RHOU: variants seen among roughly 807,000 people sequenced by gnomAD.
The protein encoded by RHOU is ras homolog family member U, also known as rho-related GTP-binding protein RhoU.
A neutral mutation model predicts 12.6 loss-of-function variants in RHOU; 8 were observed. The observed-to-expected ratio is 0.64, with a 90% CI of 0.37 to 1.15. RHOU has a LOEUF of 1.15. Among genes scored for constraint, RHOU ranks in the 50% most tolerant of loss-of-function variants. RHOU has a pLI of 0.01. For missense variants in RHOU, 258 were observed against 347.0 expected (o/e 0.74, Z 2.04); for synonymous variants, 161 against 147.4 (o/e 1.09, Z -0.67).
At chr1:228,672,488 T>G in the RHOU span, among the ~76,000 whole-genome samples, 2 of 152,212 alleles carry the variant, frequency 1.3e-5, no homozygotes, top group African/African-American at 4.8e-5. Context: ...AAAAGAAAAT[T>G]TTAATAGCAC....
rs1662832715 is a variant in RHOU, at chr1:228,746,271, A to C, written c.*2531A>C. ...GTTAAATATAAAGTTGGTTCACTTC[A>C]AAGCTAAAAAATTGTTAAACTTGCA... On this transcript the variant is annotated 3_prime_UTR_variant, in exon 3 of 3. Transcript: ENST00000366691. 6.6e-6 allele frequency: 1 copy of C among 152,234 alleles called. No homozygotes were observed. Among genetic ancestry groups the C allele is most frequent in the South Asian group, 2.1e-4 (1 of 4,830 alleles). The allele number at this position is 152,234 out of a possible 1,614,324, so 9.4% of individuals were successfully genotyped here.
At chr1:228,671,837 G>GTATA in the RHOU span, among the ~76,000 whole-genome samples, 1 of 151,962 alleles carries the variant, frequency 6.6e-6, no homozygotes, top group Non-Finnish European at 1.5e-5. Flanking sequence ...TTTGTACCAG[G>GTATA]TATAGTCTTA....
Position 228,735,574 on chromosome 1 carries a change from T to C in RHOU, c.-169T>C. Reference sequence around the variant, plus strand: ...CGGAGCGCGGAGCCACGACCCTCCCTGGCCGCCTTTGTCTACTGGCCGTGC... The same window carrying C: ...CGGAGCGCGGAGCCACGACCCTCCCCGGCCGCCTTTGTCTACTGGCCGTGC... On this transcript the variant is annotated 5_prime_UTR_variant, in exon 1 of 3. Transcript: ENST00000366691. This position sits in a 1 kb window ranked among gnomAD's most constrained non-coding sequence, Gnocchi z 8.1. 2.5e-6 allele frequency: 1 copy of C among 407,614 alleles called. No homozygotes were observed. Among genetic ancestry groups the C allele is most frequent in the Non-Finnish European group, 3.9e-6 (1 of 259,494 alleles). The allele number at this position is 407,614 out of a possible 1,614,324, so 25.2% of individuals were successfully genotyped here. A position where few individuals can be genotyped will look rare whatever the true frequency, so the allele number is the denominator to read the frequency against.
the RHOU span, among the ~76,000 whole-genome samples, chr1:228,702,297 T>A: frequency 6.6e-6 from 1 of 152,188 alleles, no homozygotes; most frequent in Non-Finnish European, 1.5e-5. Context: ...AGTAGCCACA[T>A]GACACCTAGG....
chr1:228,652,166 C>T, the RHOU span, among the ~76,000 whole-genome samples: 3 of 152,172 alleles, frequency 2.0e-5, no homozygotes, highest in African/African-American at 4.8e-5. Flanking sequence ...AAAATCATAC[C>T]ATCAAGGTGG....
At chr1:228,706,658 G>A in the RHOU span, among the ~76,000 whole-genome samples, 1,100 of 152,160 alleles carry the variant, frequency 7.2e-3, 38 homozygotes, top group East Asian at 0.12. Flanking sequence ...TATTTTACGT[G>A]TTTTTTGGTT....
chr1:228,736,874 G>T (rs940903310), intron 1 of RHOU, among the ~76,000 whole-genome samples: 16 of 152,060 alleles, frequency 1.1e-4, no homozygotes, highest in African/African-American at 2.7e-4. Context: ...CATCCCAAAG[G>T]TACCTTAGAG....
In RHOU at chr1:228,743,440, T is replaced by A; in HGVS notation, c.477T>A (p.Val159=). ...GTCCCAAAGCCCCCATCATCCTAGTTGGAACGCAGTCGGATCTCAGAGAAG... is the reference window on the plus strand; with the variant it reads ...GTCCCAAAGCCCCCATCATCCTAGTAGGAACGCAGTCGGATCTCAGAGAAG... ...CHCPKAPIIL[V]GTQSDLREDV... Residue 159 remains valine, a synonymous_variant, in exon 3 of 3, where the codon GTT becomes GTA. Coordinates refer to ENST00000366691, the MANE Select transcript of RHOU (RefSeq NM_021205.6). This position sits in a 1 kb window ranked among gnomAD's most constrained non-coding sequence, Gnocchi z 5.1. 6.2e-7 allele frequency: 1 copy of A among 1,614,128 alleles called. No homozygotes were observed. Among genetic ancestry groups the A allele is most frequent in the Non-Finnish European group, 8.5e-7 (1 of 1,180,036 alleles).
chr1:228,730,659 T>C (rs1029886004), upstream of RHOU, among the ~76,000 whole-genome samples: 1 of 152,208 alleles, frequency 6.6e-6, no homozygotes, highest in Non-Finnish European at 1.5e-5. Context: ...AGAGAAATAT[T>C]CTTCTGATGT....
the RHOU span, among the ~76,000 whole-genome samples, chr1:228,646,998 G>C: frequency 6.7e-6 from 1 of 149,622 alleles, no homozygotes; most frequent in Non-Finnish European, 1.5e-5. Flanking sequence ...GAAGGCTAGA[G>C]AAATAACGCG....
chr1:228,656,775 A>G, the RHOU span, among the ~76,000 whole-genome samples: 5 of 152,202 alleles, frequency 3.3e-5, no homozygotes, highest in Non-Finnish European at 4.4e-5. Flanking sequence ...AAATGAGGGG[A>G]AAAACTATAA....
At chr1:228,726,522 A>T in the RHOU span, among the ~76,000 whole-genome samples, 3 of 151,994 alleles carry the variant, frequency 2.0e-5, no homozygotes, top group Non-Finnish European at 2.9e-5. Context: ...AAAATTAGCC[A>T]GGCGTGGTGG....
At chr1:228,687,286 A>C in the RHOU span, 1 of 642,132 alleles carries the variant, frequency 1.6e-6, no homozygotes, top group South Asian at 1.9e-5. Context: ...AGTTCCCAAG[A>C]GTTATCCCTT....
At chr1:228,739,462 C>G (rs1662678776) in intron 2 of RHOU, among the ~76,000 whole-genome samples, 1 of 152,068 alleles carries the variant, frequency 6.6e-6, no homozygotes, top group African/African-American at 2.4e-5. Flanking sequence ...TACTCAGGAG[C>G]CTGAGGCAGA....
At chr1:228,713,854 C>T in the RHOU span, among the ~76,000 whole-genome samples, 25,752 of 152,032 alleles carry the variant, frequency 0.17, 2,871 homozygotes, top group African/African-American at 0.31. Context: ...CAGGTGGATG[C>T]TGTTAGAACT....
chr1:228,646,801 C>G, the RHOU span, among the ~76,000 whole-genome samples: 25,611 of 151,820 alleles, frequency 0.17, 2,135 homozygotes, highest in Middle Eastern at 0.22. Context: ...TGCGCAGACG[C>G]ACGCACACAC....
chr1:228,706,663 T>A, the RHOU span, among the ~76,000 whole-genome samples: 1 of 152,228 alleles, frequency 6.6e-6, no homozygotes, highest in Non-Finnish European at 1.5e-5. Flanking sequence ...TACGTGTTTT[T>A]TGGTTTAATT....
At chr1:228,673,618 C>G in the RHOU span, among the ~76,000 whole-genome samples, 1 of 152,172 alleles carries the variant, frequency 6.6e-6, no homozygotes, top group Non-Finnish European at 1.5e-5. Flanking sequence ...GTAGCACCTT[C>G]CCCTTCACTC....
the RHOU span, among the ~76,000 whole-genome samples, chr1:228,713,140 G>A: frequency 6.6e-6 from 1 of 151,996 alleles, no homozygotes; most frequent in African/African-American, 2.4e-5. Flanking sequence ...ATGCTATTGG[G>A]TTGACTGATG....
Sources: allele counts gnomAD v4.1 joint callset (sites outside exome capture counted in the v4.1 genomes callset), GRCh38; gene constraint gnomAD v4.1.1; non-coding constraint Gnocchi (gnomAD v3.1); transcripts MANE v1.5; gene names NCBI Gene and HGNC (gene_info 2026-07-23, HGNC 2026-07-21).